Variants in COX7B2 observed in about 807,000 individuals in gnomAD.
The protein encoded by COX7B2 is cytochrome c oxidase subunit 7B2, mitochondrial.
For synonymous variants in COX7B2, 37 were observed against 32.1 expected (o/e 1.15, Z -0.51); for missense variants, 109 against 95.9 (o/e 1.14, Z -0.57).
intron 2 of COX7B2, among the ~76,000 whole-genome samples, chr4:46,808,332 T>C (rs1468080948): frequency 6.6e-6 from 1 of 151,780 alleles, no homozygotes; most frequent in African/African-American, 2.4e-5. Flanking sequence ...GGCTGGGTTT[T>C]CAGTTGTGTA....
intron 2 of COX7B2, among the ~76,000 whole-genome samples, chr4:46,820,434 G>T (rs1714190588): frequency 6.6e-6 from 1 of 152,168 alleles, no homozygotes; most frequent in Non-Finnish European, 1.5e-5. Context: ...ACCTCCTGCA[G>T]TGCAGCCTAG....
intron 2 of COX7B2, among the ~76,000 whole-genome samples, chr4:46,815,326 A>G (rs181771767): frequency 4.7e-4 from 71 of 152,340 alleles, no homozygotes; most frequent in Non-Finnish European, 2.6e-4. Flanking sequence ...AGTATGAACA[A>G]AACTATAGGT....
intron 2 of COX7B2, among the ~76,000 whole-genome samples, chr4:46,775,046 G>A (rs186166030): frequency 4.0e-4 from 61 of 152,052 alleles, no homozygotes; most frequent in African/African-American, 1.4e-3. Flanking sequence ...ATTTTCTGTG[G>A]TCACATATAT....
intron 2 of COX7B2, among the ~76,000 whole-genome samples, chr4:46,814,311 G>A (rs1225189973): frequency 2.6e-5 from 4 of 152,198 alleles, no homozygotes; most frequent in African/African-American, 9.7e-5. Context: ...ATTCACTGGA[G>A]AAGTGCTTTC....
Position 46,790,456 on chromosome 4 carries a change from T to A in COX7B2, c.-50+54504A>T, listed in dbSNP as rs183022771. On this transcript the variant is annotated intron_variant, in intron 2 of 2. Transcript: ENST00000355591. ...GGTCACTTCATTTTCAAAACTCAAATATATTTATACAGGTAATTTATTACT... is the reference window on the plus strand; with the variant it reads ...GGTCACTTCATTTTCAAAACTCAAAAATATTTATACAGGTAATTTATTACT... Among the ~76,000 whole-genome samples, 187 of 152,160 alleles carry A rather than the reference T, an allele frequency of 1.2e-3. 1 individual carries two copies. The highest frequency in any genetic ancestry group is 4.3e-3 in the African/African-American group (177 of 41,410).
chr4:46,798,581 C>A (rs1371418019), intron 2 of COX7B2, among the ~76,000 whole-genome samples: 1 of 152,140 alleles, frequency 6.6e-6, no homozygotes, highest in East Asian at 1.9e-4. Context: ...AAGGCCCTGC[C>A]ATGATCTGCA....
At chr4:46,833,197 G>A (rs1232972496) in intron 2 of COX7B2, among the ~76,000 whole-genome samples, 3 of 152,070 alleles carry the variant, frequency 2.0e-5, no homozygotes, top group East Asian at 3.8e-4. Flanking sequence ...GAGCCACCGC[G>A]CCCCACCAAG....
At chr4:46,772,371 G>T (rs1716924229) in intron 2 of COX7B2, among the ~76,000 whole-genome samples, 1 of 152,088 alleles carries the variant, frequency 6.6e-6, no homozygotes, top group African/African-American at 2.4e-5. Flanking sequence ...CAAATGTGCA[G>T]CATGGGCAAT....
intron 2 of COX7B2, among the ~76,000 whole-genome samples, chr4:46,839,290 C>T (rs921631495): frequency 3.9e-5 from 6 of 151,972 alleles, no homozygotes; most frequent in Admixed American, 6.6e-5. Flanking sequence ...CACAGAGCTT[C>T]AGTTTCCTGT....
At chr4:46,795,228 C>CT (rs1277785589) in intron 2 of COX7B2, among the ~76,000 whole-genome samples, 1 of 116,330 alleles carries the variant, frequency 8.6e-6, no homozygotes, top group Non-Finnish European at 1.7e-5. Context: ...TCAATTTTGT[C>CT]TTTTGTTGCC....
intron 2 of COX7B2, among the ~76,000 whole-genome samples, chr4:46,768,382 T>C (rs557602448): frequency 6.6e-6 from 1 of 152,250 alleles, no homozygotes; most frequent in South Asian, 2.1e-4. Flanking sequence ...TCTCGACATT[T>C]AGATGCTTCT....
intron 2 of COX7B2, among the ~76,000 whole-genome samples, chr4:46,823,726 G>A (rs1279477572): frequency 1.3e-5 from 2 of 150,986 alleles, no homozygotes; most frequent in Admixed American, 1.3e-4. Context: ...TAAATACAAA[G>A]CCAAAATAAG....
chr4:46,822,678 C>T (rs1714386800), intron 2 of COX7B2, among the ~76,000 whole-genome samples: 1 of 152,086 alleles, frequency 6.6e-6, no homozygotes, highest in African/African-American at 2.4e-5. Context: ...TTTCAAAGAA[C>T]AGATACCCAT....
At chr4:46,821,497 A>T (rs983326757) in intron 2 of COX7B2, among the ~76,000 whole-genome samples, 5 of 152,202 alleles carry the variant, frequency 3.3e-5, no homozygotes, top group African/African-American at 1.2e-4. Flanking sequence ...TCAGTGATAT[A>T]AGAACTAGAT....
At chr4:46,738,038 A>T (rs1057156580) in intron 2 of COX7B2, among the ~76,000 whole-genome samples, 4 of 152,146 alleles carry the variant, frequency 2.6e-5, no homozygotes, top group Non-Finnish European at 4.4e-5. Flanking sequence ...TTTCATTTGA[A>T]TTGAATTCAG....
intron 2 of COX7B2, among the ~76,000 whole-genome samples, chr4:46,782,175 G>T (rs1235406482): frequency 1.3e-5 from 2 of 152,172 alleles, no homozygotes; most frequent in African/African-American, 4.8e-5. Context: ...GATTGTATAT[G>T]CATCAATCAG....
intron 2 of COX7B2, among the ~76,000 whole-genome samples, chr4:46,774,645 A>C (rs1290234779): frequency 6.6e-6 from 1 of 152,018 alleles, no homozygotes; most frequent in Non-Finnish European, 1.5e-5. Context: ...AATAATAAAT[A>C]AAATTATTTA....
intron 1 of COX7B2, among the ~76,000 whole-genome samples, chr4:46,870,977 A>G (rs1011001721): frequency 2.0e-5 from 3 of 147,468 alleles, no homozygotes; most frequent in Non-Finnish European, 3.0e-5. Context: ...ACAGAACTAG[A>G]AAAAAAAAAA....
intron 1 of COX7B2, among the ~76,000 whole-genome samples, chr4:46,860,160 T>G (rs963254913): frequency 6.6e-6 from 1 of 152,050 alleles, no homozygotes; most frequent in Non-Finnish European, 1.5e-5. Context: ...TAGAAGATGG[T>G]AAAGCGAGGT....
Sources: gnomAD v4.1 joint callset for allele counts (sites outside exome capture counted in the v4.1 genomes callset) on GRCh38, gnomAD v4.1.1 for gene constraint, MANE v1.5 for transcripts, NCBI Gene and HGNC (gene_info 2026-07-23, HGNC 2026-07-21) for gene names.